OR2J2: variants seen among roughly 807,000 people sequenced by gnomAD.
OR2J2 encodes olfactory receptor family 2 subfamily J member 2, also known as olfactory receptor 2J2.
In OR2J2, 13 loss-of-function variants were observed where a neutral mutation model predicts 16.9. That is an observed-to-expected ratio of 0.77 (90% confidence interval 0.50 to 1.23). OR2J2 has a LOEUF of 1.23. OR2J2 is among the 50% of genes most tolerant of loss of function. The pLI, the probability that OR2J2 is intolerant of heterozygous loss-of-function variation, is 0.00. For synonymous variants in OR2J2, 125 were observed against 141.2 expected (o/e 0.89, Z 0.81); for missense variants, 341 against 379.1 (o/e 0.90, Z 0.84).
Position 29,173,668 on chromosome 6 carries a change from C to G in OR2J2, c.33C>G (p.Asp11Glu). Residue 11 changes from aspartate to glutamate, a missense_variant, in exon 2 of 2, where the codon GAC becomes GAG. Transcript: ENST00000641417. ...TTAAAAAAAATGCAAGTTCGGAAGACTTCTTTATTCTACTTGGATTTTCTA... is the reference window on the plus strand; with the variant it reads ...TTAAAAAAAATGCAAGTTCGGAAGAGTTCTTTATTCTACTTGGATTTTCTA... MMIKKNASSE[D>E]FFILLGFSNW... 6.2e-7 allele frequency: 1 copy of G among 1,608,164 alleles called. No homozygotes were observed. The highest frequency in any genetic ancestry group is 8.5e-7 in the Non-Finnish European group (1 of 1,178,350).
chr6:29,173,740 C>T lies in OR2J2; in HGVS notation c.105C>T (p.Phe35=). The part of the protein sequence containing the change: ...EVVLFVVILI[F]YLMTLTGNLF... ...TTCTCTTTGTGGTTATCTTGATCTT[C>T]TACCTGATGACACTGACAGGAAACC... The change falls in exon 2 of 2, where the codon TTC becomes TTT. Residue 35 remains phenylalanine (F), a synonymous_variant. Coordinates refer to ENST00000641417, the MANE Select transcript of OR2J2 (RefSeq NM_030905.3). 4 of 1,613,818 alleles carry T rather than the reference C, an allele frequency of 2.5e-6. No individual in the cohort carries two copies. The highest frequency in any genetic ancestry group is 3.4e-6 in the Non-Finnish European group (4 of 1,179,944).
At chr6:29,172,109 A>G (rs906130906) in intron 1 of OR2J2, among the ~76,000 whole-genome samples, 4 of 152,092 alleles carry the variant, frequency 2.6e-5, no homozygotes, top group African/African-American at 7.2e-5. Context: ...CTGGAGGGCA[A>G]TGGCATGATC....
In OR2J2 at chr6:29,174,253, T is replaced by A. The variant is rs61733733; in HGVS notation, c.618T>A (p.Ile206=). The change falls in exon 2 of 2, where the codon ATT becomes ATA. Residue 206 remains isoleucine, a synonymous_variant. Transcript: ENST00000641417. Reference sequence around the variant, plus strand: ...TGACCCTCATGGTCATGAGCTCCATTTTTGTTCTCATACCTCTCATTCTCA... The same window carrying A: ...TGACCCTCATGGTCATGAGCTCCATATTTGTTCTCATACCTCTCATTCTCA... ...NELTLMVMSS[I]FVLIPLILIL... The A allele has an allele frequency of 1.2e-6, 2 of 1,613,866 alleles. No individual in the cohort carries two copies. Among genetic ancestry groups the A allele is most frequent in the Non-Finnish European group, 8.5e-7 (1 of 1,179,960 alleles).
chr6:29,171,532 A>T (rs1405256473), intron 1 of OR2J2, among the ~76,000 whole-genome samples: 1 of 152,044 alleles, frequency 6.6e-6, no homozygotes, highest in Non-Finnish European at 1.5e-5. Flanking sequence ...CCTCTTTTCC[A>T]CCAAGAAGAA....
rs41270636 is a variant in OR2J2, at chr6:29,174,600, A to T, written c.*26A>T. On this transcript the variant is annotated 3_prime_UTR_variant, in exon 2 of 2. Transcript: ENST00000641417. ...CAGGGAAATCATGTTGTCTGTTGTC[A>T]TTGTTTTTCCTAGGGTCTTAGCCAT... The T allele has an allele frequency of 9.8e-3, 15,224 of 1,546,366 alleles. 115 individuals are homozygous for T. Among genetic ancestry groups the T allele is most frequent in the African/African-American group, 0.02 (1,445 of 73,242 alleles).
intron 1 of OR2J2, 35 bp from the exon 2 acceptor site, chr6:29,173,583 TG>T: frequency 7.2e-7 from 1 of 1,392,152 alleles, no homozygotes; most frequent in Non-Finnish European, 9.9e-7. Flanking sequence ...TGACAATGCA[TG>T]GACAGACTTT....
intron 1 of OR2J2, among the ~76,000 whole-genome samples, chr6:29,172,529 T>C (rs1472871952): frequency 6.6e-6 from 1 of 152,136 alleles, no homozygotes; most frequent in African/African-American, 2.4e-5. Flanking sequence ...AGATTGGTAA[T>C]GTGCAAGAGA....
intron 1 of OR2J2, among the ~76,000 whole-genome samples, chr6:29,171,412 G>A (rs1765479310): frequency 6.6e-6 from 1 of 151,848 alleles, no homozygotes; most frequent in African/African-American, 2.4e-5. Flanking sequence ...AATTGGGGAA[G>A]GAAGAGACAC....
chr6:29,174,457 C>A lies in OR2J2; in HGVS notation c.822C>A (p.Phe274Leu). ...AAAATTCTCCTGATCAGGGCAAGTTCATTGCCCTCTTTTATACTGTTGTCA... is the reference window on the plus strand; with the variant it reads ...AAAATTCTCCTGATCAGGGCAAGTTAATTGCCCTCTTTTATACTGTTGTCA... ...PSENSPDQGK[F>L]IALFYTVVTP... The change falls in exon 2 of 2, where the codon TTC becomes TTA. Residue 274 changes from phenylalanine (F) to leucine (L), a missense_variant. Transcript: ENST00000641417. 2 of 1,613,732 alleles carry A rather than the reference C, an allele frequency of 1.2e-6. No homozygotes were observed. The highest frequency in any genetic ancestry group is 1.7e-6 in the Non-Finnish European group (2 of 1,179,734).
chr6:29,174,051 C>T lies in OR2J2; in HGVS notation c.416C>T (p.Pro139Leu). 1 of 1,613,314 alleles carries T rather than the reference C, an allele frequency of 6.2e-7. No homozygotes were observed. The highest frequency in any genetic ancestry group is 8.5e-7 in the Non-Finnish European group (1 of 1,179,816). The change falls in exon 2 of 2, where the codon CCT becomes CTT. Residue 139 changes from proline to leucine, a missense_variant. Coordinates refer to ENST00000641417, the MANE Select transcript of OR2J2 (RefSeq NM_030905.3). ...RPLHYTVLMHPRFCHLLVAAS... is the reference protein window; with the variant it reads ...RPLHYTVLMHLRFCHLLVAAS... ...TTGCATTACACTGTCCTCATGCACC[C>T]TCGTTTCTGCCACTTGTTGGTTGCG...
rs1383414709 is a variant in OR2J2, at chr6:29,174,458, A to G, written c.823A>G (p.Ile275Val). The G allele has an allele frequency of 6.2e-7, 1 of 1,613,762 alleles. No homozygotes were observed. The highest frequency in any genetic ancestry group is 8.5e-7 in the Non-Finnish European group (1 of 1,179,814). The change falls in exon 2 of 2, where the codon ATT becomes GTT. Residue 275 changes from isoleucine (I) to valine (V), a missense_variant. Physicochemically the swap from Ile to Val is conservative, Grantham distance 29. Transcript: ENST00000641417. ...SENSPDQGKF[I>V]ALFYTVVTPS... ...AAATTCTCCTGATCAGGGCAAGTTCATTGCCCTCTTTTATACTGTTGTCAC... is the reference window on the plus strand; with the variant it reads ...AAATTCTCCTGATCAGGGCAAGTTCGTTGCCCTCTTTTATACTGTTGTCAC...
At chr6:29,172,706 G>A (rs570096446) in intron 1 of OR2J2, among the ~76,000 whole-genome samples, 22 of 152,198 alleles carry the variant, frequency 1.4e-4, no homozygotes, top group African/African-American at 5.3e-4. Flanking sequence ...GGAAAACCCA[G>A]AAAATACAAA....
In OR2J2 at chr6:29,174,622, C is replaced by T; in HGVS notation, c.*48C>T. Reference sequence around the variant, plus strand: ...GTCATTGTTTTTCCTAGGGTCTTAGCCATCTTGAAAGGTGGTTTCCCTGCT... The same window carrying T: ...GTCATTGTTTTTCCTAGGGTCTTAGTCATCTTGAAAGGTGGTTTCCCTGCT... On this transcript the variant is annotated 3_prime_UTR_variant, in exon 2 of 2. Coordinates refer to ENST00000641417, the MANE Select transcript of OR2J2 (RefSeq NM_030905.3). 1.4e-6 allele frequency: 2 copies of T among 1,456,650 alleles called. No homozygotes were observed. Among genetic ancestry groups the T allele is most frequent in the African/African-American group, 1.4e-5 (1 of 70,944 alleles). The allele number at this position is 1,456,650 out of a possible 1,614,324, so 90.2% of individuals were successfully genotyped here.
rs1015755213 is a variant in OR2J2 at position 29,174,451 on chromosome 6, C to G, written c.816C>G (p.Gly272=). 6.2e-7 allele frequency: 1 copy of G among 1,613,846 alleles called. No individual in the cohort carries two copies. The highest frequency in any genetic ancestry group is 1.3e-5 in the African/African-American group (1 of 74,892). ...CATCAGAAAATTCTCCTGATCAGGG[C>G]AAGTTCATTGCCCTCTTTTATACTG... is the stretch of plus-strand genomic sequence containing the variant. ...QPPSENSPDQ[G]KFIALFYTVV... The change falls in exon 2 of 2, where the codon GGC becomes GGG. Residue 272 remains glycine (G), a synonymous_variant. Transcript: ENST00000641417.
Position 29,174,083 on chromosome 6 carries a change from T to C in OR2J2, c.448T>C (p.Trp150Arg), listed in dbSNP as rs1419631102. The change falls in exon 2 of 2, where the codon TGG becomes CGG. Residue 150 changes from tryptophan (W) to arginine (R), a missense_variant. By Grantham distance (101) the Trp-to-Arg change is moderately radical. Transcript: ENST00000641417. ...CTGCCACTTGTTGGTTGCGGCTTCT[T>C]GGGTAATTGGTTTTACTATCTCAGC... ...RFCHLLVAAS[W>R]VIGFTISALH... The C allele has an allele frequency of 6.2e-7, 1 of 1,613,476 alleles. No homozygotes were observed. The highest frequency in any genetic ancestry group is 8.5e-7 in the Non-Finnish European group (1 of 1,179,898).
chr6:29,171,139 G>A (rs1236418368), intron 1 of OR2J2, 34 bp downstream of exon 1: 2 of 152,216 alleles, frequency 1.3e-5, no homozygotes, highest in African/African-American at 4.8e-5. Flanking sequence ...CACTTCTTAA[G>A]GGGTAGACAG....
chr6:29,174,525 A>G lies in OR2J2; in HGVS notation c.890A>G (p.His297Arg). The G allele has an allele frequency of 6.2e-7, 1 of 1,613,724 alleles. No homozygotes were observed. The highest frequency in any genetic ancestry group is 8.5e-7 in the Non-Finnish European group (1 of 1,179,882). Residue 297 changes from histidine to arginine, a missense_variant, in exon 2 of 2, where the codon CAT (histidine) becomes CGT (arginine). Physicochemically the swap from His to Arg is conservative, Grantham distance 29. Coordinates refer to ENST00000641417, the MANE Select transcript of OR2J2 (RefSeq NM_030905.3). ...NPLIYTLRNK[H>R]VKGAAKRLLG... ...CTAATCTACACTCTCAGAAACAAGC[A>G]TGTAAAAGGGGCAGCGAAGAGACTA...
Position 29,173,737 on chromosome 6 carries a change from C to CT in OR2J2, c.104dup (p.Tyr36LeufsTer87). 1 of 1,613,766 alleles carries CT rather than the reference C, an allele frequency of 6.2e-7. No homozygotes were observed. Among genetic ancestry groups the CT allele is most frequent in the Admixed American group, 1.7e-5 (1 of 59,920 alleles). On this transcript the variant is annotated frameshift_variant, in exon 2 of 2. Transcript: ENST00000641417. LOFTEE classifies it high-confidence loss of function. ...TAGTTCTCTTTGTGGTTATCTTGAT[C>CT]TTCTACCTGATGACACTGACAGGAA...
rs755187820 is a variant in OR2J2 at position 29,173,760 on chromosome 6, G to A, written c.125G>A (p.Gly42Glu). Residue 42 changes from glycine (G) to glutamate (E), a missense_variant, in exon 2 of 2, where the codon GGA (glycine) becomes GAA (glutamate). By Grantham distance (98) the Gly-to-Glu change is moderately conservative. Transcript: ENST00000641417. ...ILIFYLMTLT[G>E]NLFIIILSYV... ...ATCTTCTACCTGATGACACTGACAG[G>A]AAACCTGTTCATCATCATCCTGTCA... 2.5e-6 allele frequency: 4 copies of A among 1,613,558 alleles called. No individual in the cohort carries two copies. Among genetic ancestry groups the A allele is most frequent in the Non-Finnish European group, 3.4e-6 (4 of 1,179,920 alleles).
Sources: allele counts gnomAD v4.1 joint callset (sites outside exome capture counted in the v4.1 genomes callset), GRCh38; gene constraint gnomAD v4.1.1; transcripts MANE v1.5; gene names NCBI Gene and HGNC (gene_info 2026-07-23, HGNC 2026-07-21).